Variants in IL15 observed in about 807,000 individuals in gnomAD.
IL15 encodes the protein interleukin 15.
In IL15, 11 loss-of-function variants were observed where a neutral mutation model predicts 19.6. The observed-to-expected ratio is 0.56, with a 90% CI of 0.35 to 0.93. The LOEUF (loss-of-function observed/expected upper bound fraction) is 0.93. Ranked by LOEUF, IL15 falls within the 40% of genes least tolerant of loss-of-function variation. IL15 has a pLI of 0.01. For synonymous variants in IL15, 58 were observed against 59.6 expected (o/e 0.97, Z 0.12); for missense variants, 197 against 186.5 (o/e 1.06, Z -0.33).
chr4:141,724,058 A>G (rs1730180343), intron 5 of IL15, among the ~76,000 whole-genome samples: 1 of 152,182 alleles, frequency 6.6e-6, no homozygotes, highest in African/African-American at 2.4e-5. Context: ...AAGACTAAAT[A>G]TATACTGAGC....
intron 2 of IL15, among the ~76,000 whole-genome samples, chr4:141,663,065 A>G (rs1727846358): frequency 6.6e-6 from 1 of 152,166 alleles, no homozygotes; most frequent in South Asian, 2.1e-4. Context: ...AAATAATATC[A>G]TGATCAAGTA....
chr4:141,733,855 C>G lies in IL15; in HGVS notation c.*1007C>G, dbSNP rs567934886. The G allele has an allele frequency of 6.6e-6, 1 of 152,186 alleles. No individual in the cohort carries two copies. Among genetic ancestry groups the G allele is most frequent in the African/African-American group, 2.4e-5 (1 of 41,524 alleles). The allele number at this position is 152,186 out of a possible 1,614,324, so 9.4% of individuals were successfully genotyped here. A position where few individuals can be genotyped will look rare whatever the true frequency, so the allele number is the denominator to read the frequency against. On this transcript the variant is annotated 3_prime_UTR_variant, in exon 8 of 8. Transcript: ENST00000320650. Reference sequence around the variant, plus strand: ...GAAAAACCCTGTTGATTTGTTGGAGCCATTGTTATCTGACAGAAAATAATT... The same window carrying G: ...GAAAAACCCTGTTGATTTGTTGGAGGCATTGTTATCTGACAGAAAATAATT...
At chr4:141,722,175 G>A (rs540249287) in intron 5 of IL15, among the ~76,000 whole-genome samples, 167 bp downstream of exon 5, 1 of 152,164 alleles carries the variant, frequency 6.6e-6, no homozygotes, top group South Asian at 2.1e-4. Context: ...TACTGTTTTA[G>A]AATCTAATTA....
At chr4:141,642,147 T>C (rs938318697) in intron 1 of IL15, among the ~76,000 whole-genome samples, 11 of 152,140 alleles carry the variant, frequency 7.2e-5, no homozygotes, top group Admixed American at 5.9e-4. Flanking sequence ...AAATTGCCCC[T>C]TTATTTGGCA....
intron 1 of IL15, among the ~76,000 whole-genome samples, chr4:141,643,048 T>C (rs952407389): frequency 6.6e-6 from 1 of 152,202 alleles, no homozygotes; most frequent in Non-Finnish European, 1.5e-5. Context: ...ATAAAAATAG[T>C]ATTTTAGGGA....
At chr4:141,716,400 G>C (rs1350835519) in intron 2 of IL15, 1 of 152,374 alleles carries the variant, frequency 6.6e-6, no homozygotes, top group East Asian at 1.9e-4. Flanking sequence ...CCCCAACTAT[G>C]GCTTAAGTGG....
intron 2 of IL15, among the ~76,000 whole-genome samples, chr4:141,691,595 A>G (rs1728912895): frequency 6.6e-6 from 1 of 152,168 alleles, no homozygotes; most frequent in African/African-American, 2.4e-5. Context: ...GGACAAAACG[A>G]AGGGGCCACA....
At chr4:141,692,009 G>A (rs539417344) in intron 2 of IL15, among the ~76,000 whole-genome samples, 1 of 152,336 alleles carries the variant, frequency 6.6e-6, no homozygotes, top group South Asian at 2.1e-4. Flanking sequence ...TGATGTCTAG[G>A]CATTTCCATA....
chr4:141,728,951 G>T (rs1560941249), intron 6 of IL15, among the ~76,000 whole-genome samples: 3 of 152,060 alleles, frequency 2.0e-5, no homozygotes, highest in African/African-American at 7.2e-5. Flanking sequence ...TTAGATTTTA[G>T]ATTTTAGAAG....
chr4:141,681,817 G>T (rs144095679), intron 2 of IL15, among the ~76,000 whole-genome samples: 1 of 152,232 alleles, frequency 6.6e-6, no homozygotes, highest in African/African-American at 2.4e-5. Context: ...TCGTTAATTG[G>T]CTTGACTAAG....
chr4:141,685,430 G>C (rs1392560345), intron 2 of IL15, among the ~76,000 whole-genome samples: 2 of 152,328 alleles, frequency 1.3e-5, no homozygotes, highest in South Asian at 2.1e-4. Context: ...TGTTTAGAAA[G>C]AGGTAAAATG....
At chr4:141,721,546 G>A (rs1452985355) in intron 4 of IL15, 1 of 524,186 alleles carries the variant, frequency 1.9e-6, no homozygotes, top group African/African-American at 1.9e-5. Flanking sequence ...CTATTTATTA[G>A]ACTTCAAAGT....
chr4:141,680,863 A>G (rs1246102134), intron 2 of IL15, among the ~76,000 whole-genome samples: 1 of 152,182 alleles, frequency 6.6e-6, no homozygotes, highest in Non-Finnish European at 1.5e-5. Context: ...TACCCTAGGT[A>G]GAGCTCCTCA....
At chr4:141,666,339 C>T (rs888051630) in intron 2 of IL15, among the ~76,000 whole-genome samples, 1 of 151,934 alleles carries the variant, frequency 6.6e-6, no homozygotes, top group Non-Finnish European at 1.5e-5. Flanking sequence ...CAGGAGATCG[C>T]TCCCCACCTT....
At position 141,719,397 on chromosome 4, in the gene IL15, G is replaced by A. The variant is rs1046634923; in HGVS notation, c.-68G>A. On this transcript the variant is annotated 5_prime_UTR_variant, in exon 3 of 8. Transcript: ENST00000320650. ...TTGTAGGAGGCATTGTGGATGGATGGCTGCTGGAAACCCCTTGCCATAGCC... is the reference window on the plus strand; with the variant it reads ...TTGTAGGAGGCATTGTGGATGGATGACTGCTGGAAACCCCTTGCCATAGCC... 2 of 742,262 alleles carry A rather than the reference G, an allele frequency of 2.7e-6. No homozygotes were observed. The highest frequency in any genetic ancestry group is 3.5e-5 in the African/African-American group (2 of 56,626). 46.0% of individuals were successfully genotyped at this position (742,262 alleles called of 1,614,324 possible). A position where few individuals can be genotyped will look rare whatever the true frequency, so the allele number is the denominator to read the frequency against.
chr4:141,687,788 C>A (rs759932233), intron 2 of IL15, among the ~76,000 whole-genome samples: 1 of 152,072 alleles, frequency 6.6e-6, no homozygotes, highest in African/African-American at 2.4e-5. Context: ...AATAACCCAG[C>A]CTTTTACTAA....
At position 141,663,587 on chromosome 4, in the gene IL15, G is replaced by A. The variant is rs141215163; in HGVS notation, c.-100+7280G>A. ...GCATGATCTAATGTTAATAGACCTG[G>A]TAGGGAAATCTCAACAAGGCCTGTT... is the stretch of plus-strand genomic sequence containing the variant. On this transcript the variant is annotated intron_variant, in intron 2 of 7. Transcript: ENST00000320650. 2.1e-3 allele frequency among the ~76,000 whole-genome samples: 322 copies of A among 152,312 alleles called. 3 individuals are homozygous for A. Among genetic ancestry groups the A allele is most frequent in the African/African-American group, 7.5e-3 (313 of 41,578 alleles).
intron 6 of IL15, among the ~76,000 whole-genome samples, chr4:141,728,264 A>G (rs1730335570): frequency 1.3e-5 from 2 of 152,128 alleles, no homozygotes; most frequent in African/African-American, 4.8e-5. Context: ...ATGCAGTTGC[A>G]TCATGGTGCA....
intron 2 of IL15, among the ~76,000 whole-genome samples, chr4:141,702,707 G>A (rs953294026): frequency 5.9e-5 from 9 of 152,222 alleles, no homozygotes; most frequent in East Asian, 1.9e-4. Flanking sequence ...AGGAGGTGGC[G>A]CTTGCAAGAC....
Sources: allele counts gnomAD v4.1 joint callset (sites outside exome capture counted in the v4.1 genomes callset), GRCh38; gene constraint gnomAD v4.1.1; transcripts MANE v1.5; gene names NCBI Gene and HGNC (gene_info 2026-07-23, HGNC 2026-07-21).